The following LAMA3 variants were observed in gnomAD, a reference collection of about 807,000 sequenced individuals.
The protein encoded by LAMA3 is laminin subunit alpha-3.
LAMA3 carries 281 observed loss-of-function variants against 402.0 expected under a neutral mutation model. The observed-to-expected ratio is 0.70, with a 90% CI of 0.63 to 0.77. The LOEUF (loss-of-function observed/expected upper bound fraction) is 0.77. Among genes scored for constraint, LAMA3 ranks in the 30% least tolerant of loss-of-function variants. The probability of loss-of-function intolerance (pLI) is 0.00; values close to 1 mark genes in which losing one functional copy is unlikely to be tolerated. For missense variants in LAMA3, 3,840 were observed against 4,215.5 expected, an observed-to-expected ratio of 0.91 and a Z score of 2.47; for synonymous variants, 1,431 against 1,558.4, an observed-to-expected ratio of 0.92 and a Z score of 1.93.
intron 62 of LAMA3, 66 bp downstream of exon 62, chr18:23,921,651 A>T (rs938689507): frequency 1.1e-4 from 172 of 1,548,286 alleles, no homozygotes; most frequent in Non-Finnish European, 1.4e-4. Flanking sequence ...GACCAAAAAA[A>T]ATCTGGTCTG....
intron 58 of LAMA3, 117 bp downstream of exon 58, chr18:23,914,977 C>T: frequency 2.3e-6 from 2 of 878,374 alleles, no homozygotes; most frequent in South Asian, 2.9e-5. Context: ...CACATTCTTA[C>T]AGCACATTCT....
chr18:23,938,186 C>G (rs1448133155), intron 67 of LAMA3, among the ~76,000 whole-genome samples: 1 of 152,156 alleles, frequency 6.6e-6, no homozygotes, highest in East Asian at 1.9e-4. Context: ...TTACCAGAAG[C>G]CCCGCCTTCA....
chr18:23,906,121 A>G (rs2081241564), intron 52 of LAMA3, among the ~76,000 whole-genome samples: 1 of 152,158 alleles, frequency 6.6e-6, no homozygotes, highest in Admixed American at 6.6e-5. Flanking sequence ...TCCACCCAAT[A>G]TTCTAAATAT....
chr18:23,789,542 C>A (rs866644145), intron 12 of LAMA3, among the ~76,000 whole-genome samples: 5 of 152,102 alleles, frequency 3.3e-5, no homozygotes, highest in Non-Finnish European at 7.4e-5. Context: ...GAAAACATTA[C>A]GCTAAATGAA....
chr18:23,931,209 G>A lies in LAMA3; in HGVS notation c.8576+8G>A, dbSNP rs781072207. The A allele has an allele frequency of 6.2e-6, 10 of 1,607,268 alleles. No individual in the cohort carries two copies. Among genetic ancestry groups the A allele is most frequent in the East Asian group, 4.5e-5 (2 of 44,850 alleles). On this transcript the variant is annotated splice_region_variant and intron_variant, in intron 65 of 74. Transcript: ENST00000313654. The stretch of plus-strand genomic sequence containing the variant: ...AATAAGCGACAACTCTGGGTGAGTG[G>A]AATAATACTTCTGTCAGAGCTGTGA...
chr18:23,942,312 T>C (rs2082550831), intron 68 of LAMA3, among the ~76,000 whole-genome samples: 1 of 152,174 alleles, frequency 6.6e-6, no homozygotes, highest in Admixed American at 6.5e-5. Flanking sequence ...CCTGTTGACA[T>C]CTGCATCTCC....
At chr18:23,813,637 G>A (rs2063120807) in intron 14 of LAMA3, among the ~76,000 whole-genome samples, 1 of 146,782 alleles carries the variant, frequency 6.8e-6, no homozygotes, top group Admixed American at 7.0e-5. Flanking sequence ...TCCGCCTCCT[G>A]GGTCAAGCGA....
At position 23,808,387 on chromosome 18, in the gene LAMA3, G is replaced by A. The variant is rs142423491; in HGVS notation, c.1604-1979G>A. ...ATTATTTTTGTTATTTTTTAGTTGT[G>A]TATTTTTCTGAATATTTTTGATCTG... On this transcript the variant is annotated intron_variant, in intron 12 of 74. Transcript: ENST00000313654. Among the ~76,000 whole-genome samples, 9 of 152,028 alleles carry A rather than the reference G, an allele frequency of 5.9e-5. No individual in the cohort carries two copies. In the East Asian group the frequency reaches 1.5e-3, roughly 26 times the overall value.
chr18:23,855,334 A>G (rs1401799183), intron 32 of LAMA3, among the ~76,000 whole-genome samples: 1 of 152,218 alleles, frequency 6.6e-6, no homozygotes, highest in Non-Finnish European at 1.5e-5. Flanking sequence ...CACCCAGCCT[A>G]CGTCGGGCCA....
chr18:23,741,737 G>A (rs1366806860), intron 2 of LAMA3, among the ~76,000 whole-genome samples: 1 of 152,136 alleles, frequency 6.6e-6, no homozygotes, highest in Non-Finnish European at 1.5e-5. Flanking sequence ...GAAATATGAT[G>A]GACATCTTTT....
intron 34 of LAMA3, among the ~76,000 whole-genome samples, chr18:23,859,044 G>A (rs2064153214): frequency 1.3e-5 from 2 of 152,030 alleles, no homozygotes; most frequent in Non-Finnish European, 2.9e-5. Context: ...CCTTACCCTT[G>A]TCTTCCCCAT....
At chr18:23,863,516 T>C (rs991746320) in intron 35 of LAMA3, among the ~76,000 whole-genome samples, 3 of 152,182 alleles carry the variant, frequency 2.0e-5, no homozygotes, top group African/African-American at 7.2e-5. Flanking sequence ...AAAGAATTTG[T>C]GGCCATGTTT....
intron 2 of LAMA3, among the ~76,000 whole-genome samples, chr18:23,744,729 G>T (rs111805834): frequency 9.2e-5 from 14 of 151,432 alleles, no homozygotes; most frequent in African/African-American, 2.7e-4. Flanking sequence ...CTACTCAGGA[G>T]GCTGAGGCAG....
intron 17 of LAMA3, 43 bp from the exon 18 acceptor site, chr18:23,816,345 G>C: frequency 6.6e-7 from 1 of 1,504,048 alleles, no homozygotes; most frequent in Non-Finnish European, 9.3e-7. Context: ...GCTCAGTGTG[G>C]AGATGGTTTA....
chr18:23,920,103 A>T (rs1448292748), intron 60 of LAMA3, among the ~76,000 whole-genome samples: 2 of 152,204 alleles, frequency 1.3e-5, no homozygotes, highest in East Asian at 3.9e-4. Flanking sequence ...GCAATAAGGG[A>T]AAGGTAAGCA....
intron 8 of LAMA3, among the ~76,000 whole-genome samples, chr18:23,773,006 G>T (rs907984267): frequency 6.6e-6 from 1 of 152,140 alleles, no homozygotes; most frequent in Admixed American, 6.5e-5. Context: ...ATTCAGAAAA[G>T]GGTTTTATGA....
intron 32 of LAMA3, among the ~76,000 whole-genome samples, chr18:23,855,034 A>G (rs897004174): frequency 1.3e-5 from 2 of 152,168 alleles, no homozygotes; most frequent in Non-Finnish European, 2.9e-5. Flanking sequence ...AACCACACAC[A>G]CAAAAAAACC....
chr18:23,719,318 A>AC (rs1243599913), intron 2 of LAMA3, among the ~76,000 whole-genome samples: 7 of 152,108 alleles, frequency 4.6e-5, no homozygotes, highest in African/African-American at 1.7e-4. Flanking sequence ...ACTCAGTGAG[A>AC]CCCCATCTCT....
In LAMA3 at chr18:23,901,365, A is replaced by T. The variant is rs984069372; in HGVS notation, c.6201+42A>T. ...AAGTTGCACACTTTCGTTAATAAGG[A>T]TGAGAGAAGCAGGGATCTTTATTAT... On this transcript the variant is annotated intron_variant, in intron 48 of 74. Transcript: ENST00000313654. 3.9e-6 allele frequency: 6 copies of T among 1,528,020 alleles called. No individual in the cohort carries two copies. In the Admixed American group the frequency reaches 8.3e-5, roughly 21 times the overall value. The allele number at this position is 1,528,020 out of a possible 1,614,324, so 94.7% of individuals were successfully genotyped here. A position where few individuals can be genotyped will look rare whatever the true frequency, so the allele number is the denominator to read the frequency against.
Sources: allele counts gnomAD v4.1 joint callset (sites outside exome capture counted in the v4.1 genomes callset), GRCh38; gene constraint gnomAD v4.1.1; transcripts MANE v1.5; gene names NCBI Gene and HGNC (gene_info 2026-07-23, HGNC 2026-07-21).